NUBPL: variants seen among roughly 807,000 people sequenced by gnomAD.
NUBPL encodes iron-sulfur cluster transfer protein NUBPL.
NUBPL carries 31 observed loss-of-function variants against 45.7 expected under a neutral mutation model. The ratio of observed to expected loss-of-function variants is 0.68; its 90% CI spans 0.51 to 0.92. The LOEUF (loss-of-function observed/expected upper bound fraction) is 0.92. Among genes scored for constraint, NUBPL ranks in the 40% least tolerant of loss-of-function variants. The probability of loss-of-function intolerance (pLI) is 0.00; values close to 1 mark genes in which losing one functional copy is unlikely to be tolerated. For synonymous variants in NUBPL, 144 were observed against 140.9 expected, an observed-to-expected ratio of 1.02 and a Z score of -0.15; for missense variants, 401 against 398.7, an observed-to-expected ratio of 1.01 and a Z score of -0.05.
At chr14:31,810,608 C>T (rs1299500319) in intron 7 of NUBPL, among the ~76,000 whole-genome samples, 1 of 152,112 alleles carries the variant, frequency 6.6e-6, no homozygotes, top group Non-Finnish European at 1.5e-5. Context: ...GGGCATTTAG[C>T]CCATTTACAT....
Position 31,564,995 on chromosome 14 carries a change from C to T in NUBPL, c.257-19C>T. ...GAAGGAAAGTTACTAAATTCAATTACTTTTTTTGTTTCTTACAGTGAATCT... is the reference window on the plus strand; with the variant it reads ...GAAGGAAAGTTACTAAATTCAATTATTTTTTTTGTTTCTTACAGTGAATCT... On this transcript the variant is annotated intron_variant, in intron 2 of 10. Transcript: ENST00000281081. The T allele has an allele frequency of 6.8e-7, 1 of 1,468,470 alleles. No individual in the cohort carries two copies. Among genetic ancestry groups the T allele is most frequent in the African/African-American group, 1.4e-5 (1 of 72,330 alleles). 91.0% of individuals were successfully genotyped at this position (1,468,470 alleles called of 1,614,324 possible). A position where few individuals can be genotyped will look rare whatever the true frequency, so the allele number is the denominator to read the frequency against.
chr14:31,820,695 G>A (rs2040002746), intron 7 of NUBPL, among the ~76,000 whole-genome samples: 2 of 150,924 alleles, frequency 1.3e-5, no homozygotes, highest in Admixed American at 1.3e-4. Context: ...ATGGTGGTGG[G>A]CGCCTGTAAT....
intron 6 of NUBPL, among the ~76,000 whole-genome samples, chr14:31,720,693 A>G (rs115402554): frequency 1.5e-3 from 224 of 152,336 alleles, no homozygotes; most frequent in Middle Eastern, 0.014. Flanking sequence ...ACTACTAGCT[A>G]TATGTGGCTT....
At chr14:31,750,448 C>T (rs1027284082) in intron 6 of NUBPL, among the ~76,000 whole-genome samples, 17 of 151,424 alleles carry the variant, frequency 1.1e-4, no homozygotes, top group Admixed American at 4.6e-4. Flanking sequence ...CCTCCCGCCT[C>T]GGCCTCCCAA....
intron 6 of NUBPL, among the ~76,000 whole-genome samples, chr14:31,702,602 G>A (rs2037363820): frequency 2.0e-5 from 3 of 152,178 alleles, no homozygotes; most frequent in Admixed American, 6.5e-5. Context: ...TATTAACCTA[G>A]TAGCTATGAC....
In NUBPL at chr14:31,638,250, T is replaced by C. The variant is rs536373643; in HGVS notation, c.383-35105T>C. ...ACCGGTTGTTCCTTTCCATGTTTAG[T>C]GCTTCCTTCAGGAGCTCTTTTAGGG... On this transcript the variant is annotated intron_variant, in intron 4 of 10. Coordinates refer to ENST00000281081, the MANE Select transcript of NUBPL (RefSeq NM_025152.3). Among the ~76,000 whole-genome samples, 255 of 152,212 alleles carry C rather than the reference T, an allele frequency of 1.7e-3. 2 individuals are homozygous for C. Among genetic ancestry groups the C allele is most frequent in the Middle Eastern group, 0.01 (3 of 294 alleles).
chr14:31,709,364 C>A (rs1251747888), intron 6 of NUBPL, among the ~76,000 whole-genome samples: 1 of 152,194 alleles, frequency 6.6e-6, no homozygotes, highest in Non-Finnish European at 1.5e-5. Flanking sequence ...TCTCCTTAGT[C>A]CTTCTAGAAC....
At chr14:31,614,839 GA>G (rs1317378079) in intron 4 of NUBPL, among the ~76,000 whole-genome samples, 3 of 152,168 alleles carry the variant, frequency 2.0e-5, no homozygotes, top group Non-Finnish European at 4.4e-5. Context: ...TGCTGTAATA[GA>G]AATATAAGTG....
chr14:31,708,766 C>T (rs529699868), intron 6 of NUBPL, among the ~76,000 whole-genome samples: 8 of 152,244 alleles, frequency 5.3e-5, no homozygotes, highest in Non-Finnish European at 8.8e-5. Flanking sequence ...GCGCTTGTTC[C>T]GGGCACCCTC....
intron 2 of NUBPL, among the ~76,000 whole-genome samples, chr14:31,564,318 A>C (rs1366873893): frequency 6.6e-6 from 1 of 152,106 alleles, no homozygotes; most frequent in African/African-American, 2.4e-5. Flanking sequence ...CTCTGTGCAC[A>C]GTAGTCCAGC....
At chr14:31,775,952 T>G (rs2039091331) in intron 6 of NUBPL, among the ~76,000 whole-genome samples, 1 of 152,202 alleles carries the variant, frequency 6.6e-6, no homozygotes, top group African/African-American at 2.4e-5. Context: ...CAGGTTATGG[T>G]CAGGAAGGTC....
chr14:31,563,089 C>T (rs889574837), intron 2 of NUBPL, among the ~76,000 whole-genome samples: 6 of 152,150 alleles, frequency 3.9e-5, no homozygotes, highest in Non-Finnish European at 8.8e-5. Flanking sequence ...TTCATGTGCT[C>T]TCCTGCACAT....
At chr14:31,828,011 C>T (rs1051213555) in intron 8 of NUBPL, among the ~76,000 whole-genome samples, 6 of 149,226 alleles carry the variant, frequency 4.0e-5, no homozygotes, top group African/African-American at 7.3e-5. Flanking sequence ...GACATGTTCT[C>T]GTGAAAATCG....
At chr14:31,798,266 G>T (rs1463774051) in intron 7 of NUBPL, among the ~76,000 whole-genome samples, 1 of 149,002 alleles carries the variant, frequency 6.7e-6, no homozygotes, top group African/African-American at 2.5e-5. Flanking sequence ...TTTCCCCTCT[G>T]AGAGAAAACT....
At chr14:31,706,461 G>A (rs945176709) in intron 6 of NUBPL, among the ~76,000 whole-genome samples, 4 of 152,210 alleles carry the variant, frequency 2.6e-5, no homozygotes, top group African/African-American at 9.6e-5. Flanking sequence ...CAGCAAGATG[G>A]CTGCCATGGG....
chr14:31,614,976 G>A (rs2139611651), intron 4 of NUBPL, among the ~76,000 whole-genome samples: 1 of 152,252 alleles, frequency 6.6e-6, no homozygotes, highest in South Asian at 2.1e-4. Flanking sequence ...TTGTAAGAAG[G>A]TATTGAGGAT....
intron 3 of NUBPL, among the ~76,000 whole-genome samples, chr14:31,575,515 G>T (rs2033694991): frequency 6.6e-6 from 1 of 152,080 alleles, no homozygotes; most frequent in Non-Finnish European, 1.5e-5. Flanking sequence ...AATAAGAGTT[G>T]TTCTTATTAG....
chr14:31,684,633 A>G (rs903859897), intron 6 of NUBPL, among the ~76,000 whole-genome samples: 3 of 152,272 alleles, frequency 2.0e-5, no homozygotes, highest in Middle Eastern at 3.4e-3. Flanking sequence ...GTGGATTTAT[A>G]TATTATTTAT....
At chr14:31,756,141 C>T (rs1404067170) in intron 6 of NUBPL, among the ~76,000 whole-genome samples, 1 of 151,914 alleles carries the variant, frequency 6.6e-6, no homozygotes, top group African/African-American at 2.4e-5. Flanking sequence ...CATGATGCCT[C>T]CAGCTTTGTT....
Sources: allele counts gnomAD v4.1 joint callset (sites outside exome capture counted in the v4.1 genomes callset), GRCh38; gene constraint gnomAD v4.1.1; transcripts MANE v1.5; gene names NCBI Gene and HGNC (gene_info 2026-07-23, HGNC 2026-07-21).